Variants in DEFB110 observed in about 807,000 individuals in gnomAD.
DEFB110 encodes the protein beta-defensin 110.
Under a neutral mutation model 2.5 loss-of-function variants are expected in DEFB110, and 4 were observed. The observed-to-expected ratio is 1.60, with a 90% CI of 0.79 to 3.66. The LOEUF is 3.66. DEFB110 is among the 30% of genes most tolerant of loss of function. The probability of loss-of-function intolerance (pLI) is 0.01; values close to 1 mark genes in which losing one functional copy is unlikely to be tolerated. For synonymous variants in DEFB110, 29 were observed against 21.8 expected, an observed-to-expected ratio of 1.33 and a Z score of -0.92; for missense variants, 94 against 75.4, an observed-to-expected ratio of 1.25 and a Z score of -0.91.
intron 1 of DEFB110, among the ~76,000 whole-genome samples, chr6:50,011,126 A>T (rs1774220626): frequency 6.6e-6 from 1 of 151,636 alleles, no homozygotes. Context: ...TGAAAATAAC[A>T]TCCCTTTGTA....
rs566078574 is a variant in DEFB110 at position 50,009,236 on chromosome 6, T to A, written c.91A>T (p.Arg31Ter). 1 of 1,609,020 alleles carries A rather than the reference T, an allele frequency of 6.2e-7. No individual in the cohort carries two copies. The highest frequency in any genetic ancestry group is 1.1e-5 in the South Asian group (1 of 89,626). ...CATATTCCTCTCACTTTTTCGCATC[T>A]TTCAAATCTATACTTTGGTTCAAAA... The change falls in exon 2 of 2, where the codon AGA becomes TGA. Residue 31 changes from arginine to a stop codon, truncating the protein, a stop_gained. Coordinates refer to the DEFB110 transcript ENST00000393660. LOFTEE classifies it high-confidence loss of function.
At position 50,021,906 on chromosome 6, in the gene DEFB110, C is replaced by T. The variant is rs191228062; in HGVS notation, c.30G>A (p.Leu10=). MKIQLFFFI[L]HFWVTILPAK... The stretch of plus-strand genomic sequence containing the variant: ...CTGGTAAAATTGTGACCCAAAAGTG[C>T]AGAATAAAGAAAAAAAGTTGAATCT... The change falls in exon 1 of 2, where the codon CTG becomes CTA. Residue 10 remains leucine (L), a synonymous_variant. Coordinates refer to ENST00000371148, the MANE Select transcript of DEFB110 (RefSeq NM_001037497.2). 2.3e-5 allele frequency: 35 copies of T among 1,552,890 alleles called. 2 individuals carry two copies. In the South Asian group the frequency reaches 2.8e-4, roughly 12 times the overall value.
chr6:50,016,682 A>G (rs1443818575), downstream of DEFB110, among the ~76,000 whole-genome samples: 1 of 151,670 alleles, frequency 6.6e-6, no homozygotes, highest in African/African-American at 2.4e-5. Flanking sequence ...TAGAGTTTTC[A>G]GTCTTTTTTT....
rs770461152 is a variant in DEFB110, at chr6:50,019,038, T to G, written c.143A>C (p.Glu48Ala). ...GNGQCKNQCH[E>A]NEIRIAYCIR... is the part of the protein sequence containing the mutation. The stretch of plus-strand genomic sequence containing the variant: ...GCAGTAAGCAATCCTAATTTCATTT[T>G]CATGACACTGATTTTTACATTGACC... The change falls in exon 2 of 2, where the codon GAA becomes GCA. Residue 48 changes from glutamate to alanine, a missense_variant. Glu to Ala is a moderately radical substitution (Grantham distance 107, BLOSUM62 -1). Transcript: ENST00000371148. 1 of 1,613,266 alleles carries G rather than the reference T, an allele frequency of 6.2e-7. No homozygotes were observed. Among genetic ancestry groups the G allele is most frequent in the Non-Finnish European group, 8.5e-7 (1 of 1,179,452 alleles).
downstream of DEFB110, among the ~76,000 whole-genome samples, chr6:50,016,879 C>T (rs1218920683): frequency 1.3e-5 from 2 of 151,664 alleles, no homozygotes; most frequent in African/African-American, 2.4e-5. Flanking sequence ...GGTTTTCGTG[C>T]TCTCTGTCAA....
At chr6:50,017,539 C>A (rs553178113), downstream of DEFB110, among the ~76,000 whole-genome samples, 1 of 151,750 alleles carries the variant, frequency 6.6e-6, no homozygotes, top group Non-Finnish European at 1.5e-5. Context: ...AAACATATAA[C>A]GAGCAGAATA....
chr6:50,017,676 T>G (rs192279176), downstream of DEFB110, among the ~76,000 whole-genome samples: 1 of 151,100 alleles, frequency 6.6e-6, no homozygotes, highest in Admixed American at 6.6e-5. Flanking sequence ...CACTGAACAA[T>G]CAAAGACTAT....
chr6:50,011,071 A>G (rs977802909), intron 1 of DEFB110, among the ~76,000 whole-genome samples: 2 of 151,882 alleles, frequency 1.3e-5, no homozygotes, highest in African/African-American at 4.8e-5. Context: ...TTTGCAAATT[A>G]TGGCTCACTA....
downstream of DEFB110, chr6:50,018,762 C>T (rs1774361486): frequency 3.3e-6 from 4 of 1,208,962 alleles, no homozygotes; most frequent in African/African-American, 4.7e-5. Flanking sequence ...TAAAATAAGT[C>T]CTGCTACTTC....
chr6:50,012,261 C>T (rs912633542), intron 1 of DEFB110, among the ~76,000 whole-genome samples: 1 of 151,772 alleles, frequency 6.6e-6, no homozygotes, highest in African/African-American at 2.4e-5. Flanking sequence ...AGTTAAACCA[C>T]AAAATTCTCG....
downstream of DEFB110, among the ~76,000 whole-genome samples, chr6:50,017,892 A>G (rs529837250): frequency 5.9e-5 from 9 of 152,000 alleles, no homozygotes; most frequent in Non-Finnish European, 1.2e-4. Context: ...AGTCTGACCT[A>G]TATGTACTGT....
At chr6:50,010,887 A>G (rs1014253139) in intron 1 of DEFB110, among the ~76,000 whole-genome samples, 1 of 151,686 alleles carries the variant, frequency 6.6e-6, no homozygotes, top group African/African-American at 2.4e-5. Flanking sequence ...ATATATTCAA[A>G]TTAGAAAAAA....
At chr6:50,010,535 A>ATT (rs1774210053) in intron 1 of DEFB110, among the ~76,000 whole-genome samples, 1 of 150,832 alleles carries the variant, frequency 6.6e-6, no homozygotes, top group African/African-American at 2.4e-5. Context: ...ATATATATAT[A>ATT]TATATAGACA....
Position 50,019,060 on chromosome 6 carries a change from G to A in DEFB110, c.121C>T (p.Gln41Ter), listed in dbSNP as rs1363782695. The change falls in exon 2 of 2, where the codon CAA becomes TAA. Residue 41 changes from glutamine to a stop codon, truncating the protein, a stop_gained. Transcript: ENST00000371148. LOFTEE classifies it high-confidence loss of function. ...TTTTCATGACACTGATTTTTACATT[G>A]ACCATTACCTATTCTGCACTCTCTC... ...LRRECRIGNG[Q>*]CKNQCHENEI... The A allele has an allele frequency of 6.2e-7, 1 of 1,613,090 alleles. No individual in the cohort carries two copies. Among genetic ancestry groups the A allele is most frequent in the Non-Finnish European group, 8.5e-7 (1 of 1,179,408 alleles).
At chr6:50,021,594 T>C (rs535058701) in intron 1 of DEFB110, among the ~76,000 whole-genome samples, 1 of 152,328 alleles carries the variant, frequency 6.6e-6, no homozygotes, top group South Asian at 2.1e-4. Context: ...TCCACTTATG[T>C]TATATATTGC....
intron 1 of DEFB110, among the ~76,000 whole-genome samples, chr6:50,011,555 G>A (rs9296624): frequency 0.086 from 13,075 of 152,062 alleles, 1,485 homozygotes; most frequent in African/African-American, 0.26. Context: ...CATACACACA[G>A]ATGGGGACAA....
At chr6:50,018,167 T>C (rs1305720840), downstream of DEFB110, among the ~76,000 whole-genome samples, 4 of 151,930 alleles carry the variant, frequency 2.6e-5, no homozygotes, top group Non-Finnish European at 5.9e-5. Context: ...GAGGAAGCAG[T>C]AGAGGAACTG....
At chr6:50,010,826 C>A (rs1395202152) in intron 1 of DEFB110, among the ~76,000 whole-genome samples, 2 of 151,456 alleles carry the variant, frequency 1.3e-5, no homozygotes, top group African/African-American at 4.8e-5. Context: ...ATTCCTGAGC[C>A]ATTATATTTT....
At chr6:50,018,814 C>T, downstream of DEFB110, 7 of 1,302,962 alleles carry the variant, frequency 5.4e-6, no homozygotes, top group Non-Finnish European at 6.8e-6. Flanking sequence ...GGAAAGGCAC[C>T]AGACATGAGC....
Sources: allele counts gnomAD v4.1 joint callset (sites outside exome capture counted in the v4.1 genomes callset), GRCh38; gene constraint gnomAD v4.1.1; transcripts MANE v1.5; gene names NCBI Gene and HGNC (gene_info 2026-07-23, HGNC 2026-07-21).